RAD51B: variants seen among roughly 807,000 people sequenced by gnomAD.
RAD51B encodes the protein RAD51 paralog B.
Under a neutral mutation model 42.2 loss-of-function variants are expected in RAD51B, and 38 were observed. The observed-to-expected ratio is 0.90, with a 90% confidence interval of 0.70 to 1.18. The LOEUF is 1.18. RAD51B is among the 50% of genes most tolerant of loss of function. The pLI is 0.00. For missense variants in RAD51B, 373 were observed against 400.7 expected (o/e 0.93, Z 0.59); for synonymous variants, 154 against 145.2 (o/e 1.06, Z -0.43).
At chr14:68,145,805 A>ACCCAAAGAATGT (rs1220874229) in intron 7 of RAD51B, among the ~76,000 whole-genome samples, 2 of 152,246 alleles carry the variant, frequency 1.3e-5, no homozygotes, top group African/African-American at 4.8e-5. Context: ...AGTTGAACTC[A>ACCCAAAGAATGT]CCCAAAGAAG....
chr14:68,160,446 G>A (rs1486912808), intron 7 of RAD51B, among the ~76,000 whole-genome samples: 1 of 152,142 alleles, frequency 6.6e-6, no homozygotes, highest in Non-Finnish European at 1.5e-5. Context: ...CACCAAATAT[G>A]TCTCTGCTTC....
chr14:68,446,104 G>T (rs948662992), intron 9 of RAD51B, among the ~76,000 whole-genome samples: 1 of 152,062 alleles, frequency 6.6e-6, no homozygotes, highest in African/African-American at 2.4e-5. Flanking sequence ...TAACATTATC[G>T]GCTGCCATTT....
intron 10 of RAD51B, among the ~76,000 whole-genome samples, chr14:68,502,197 G>A (rs149808678): frequency 2.0e-5 from 3 of 152,222 alleles, no homozygotes; most frequent in African/African-American, 7.2e-5. Flanking sequence ...GAGATCACAC[G>A]ACAACAGAAT....
intron 7 of RAD51B, among the ~76,000 whole-genome samples, chr14:67,988,628 A>T (rs1035610940): frequency 2.0e-5 from 3 of 152,168 alleles, no homozygotes; most frequent in East Asian, 1.9e-4. Flanking sequence ...TTAATTTTTT[A>T]AAAATAGGAT....
chr14:68,203,315 G>T (rs945107684), intron 7 of RAD51B, among the ~76,000 whole-genome samples: 1 of 152,118 alleles, frequency 6.6e-6, no homozygotes, highest in African/African-American at 2.4e-5. Context: ...ATCTCCATCA[G>T]AGCTCTTGGG....
At chr14:68,150,183 A>G (rs892512307) in intron 7 of RAD51B, among the ~76,000 whole-genome samples, 1 of 152,152 alleles carries the variant, frequency 6.6e-6, no homozygotes. Flanking sequence ...GACTCAGGTG[A>G]TCCACCCACC....
chr14:68,243,653 C>T (rs1319007030), intron 7 of RAD51B, among the ~76,000 whole-genome samples: 3 of 152,130 alleles, frequency 2.0e-5, no homozygotes, highest in Non-Finnish European at 4.4e-5. Context: ...ATTCCAGGCC[C>T]CATGTTCCCT....
intron 7 of RAD51B, among the ~76,000 whole-genome samples, chr14:68,084,798 G>C (rs1225201698): frequency 6.6e-6 from 1 of 152,144 alleles, no homozygotes; most frequent in African/African-American, 2.4e-5. Context: ...ATATATGCCT[G>C]CCTCAATACT....
intron 7 of RAD51B, among the ~76,000 whole-genome samples, chr14:67,972,250 C>T (rs2074912344): frequency 6.6e-6 from 1 of 151,920 alleles, no homozygotes; most frequent in Non-Finnish European, 1.5e-5. Context: ...AATTCTGTCT[C>T]CTTGACACCA....
At chr14:68,310,982 A>T (rs557430883) in intron 8 of RAD51B, among the ~76,000 whole-genome samples, 1 of 152,282 alleles carries the variant, frequency 6.6e-6, no homozygotes, top group East Asian at 1.9e-4. Context: ...TGCATGGATG[A>T]AGTGCAGTCT....
intron 7 of RAD51B, among the ~76,000 whole-genome samples, chr14:68,120,458 T>C (rs1161885948): frequency 6.6e-6 from 1 of 152,204 alleles, no homozygotes; most frequent in African/African-American, 2.4e-5. Flanking sequence ...AAATTCTCAT[T>C]AGGGCAGAGA....
At chr14:68,604,137 G>A (rs1012290893) in intron 10 of RAD51B, among the ~76,000 whole-genome samples, 1 of 152,232 alleles carries the variant, frequency 6.6e-6, no homozygotes, top group African/African-American at 2.4e-5. Flanking sequence ...CCTGGCTGGG[G>A]AGTCCGTCTA....
chr14:68,578,801 C>CA (rs1318979115), intron 10 of RAD51B, among the ~76,000 whole-genome samples: 1 of 152,174 alleles, frequency 6.6e-6, no homozygotes, highest in Non-Finnish European at 1.5e-5. Flanking sequence ...AGAGAGGTGA[C>CA]AAGACAAAGG....
At position 68,395,506 on chromosome 14, in the gene RAD51B, C is replaced by T. The variant is rs188357537; in HGVS notation, c.854-15918C>T. On this transcript the variant is annotated intron_variant, in intron 8 of 10. Transcript: ENST00000471583. ...GCACTTGCCTCTTTAAAGAAGGAAT[C>T]CTCCCTTTCCTTTCCTTGATGATCA... 2.6e-3 allele frequency among the ~76,000 whole-genome samples: 394 copies of T among 152,266 alleles called. 1 individual carries two copies. The highest frequency in any genetic ancestry group is 0.01 in the Middle Eastern group (3 of 294).
chr14:67,825,636 T>G, intron 3 of RAD51B, 59 bp downstream of exon 3: 1 of 1,298,480 alleles, frequency 7.7e-7, no homozygotes, highest in East Asian at 2.5e-5. Context: ...ATTAAACATG[T>G]TTTTTTAGGG....
At chr14:68,572,184 T>C (rs1889740476) in intron 10 of RAD51B, among the ~76,000 whole-genome samples, 1 of 152,234 alleles carries the variant, frequency 6.6e-6, no homozygotes, top group African/African-American at 2.4e-5. Context: ...GGCCAACCTT[T>C]TGAGATGTAA....
chr14:67,940,045 TATATATATA>T (rs201655164), intron 7 of RAD51B, among the ~76,000 whole-genome samples: 65 of 15,432 alleles, frequency 4.2e-3, no homozygotes, highest in South Asian at 9.8e-3. Flanking sequence ...TATATATATA[TATATATATA>T]TTTTTTTTTT....
chr14:68,216,246 A>T (rs186068819), intron 7 of RAD51B, among the ~76,000 whole-genome samples: 34 of 152,120 alleles, frequency 2.2e-4, no homozygotes, highest in Admixed American at 1.4e-3. Context: ...CTCTCTAAAA[A>T]CCTATTTCTT....
chr14:68,338,278 G>T (rs1483809080), intron 8 of RAD51B, among the ~76,000 whole-genome samples: 1 of 152,194 alleles, frequency 6.6e-6, no homozygotes, highest in Non-Finnish European at 1.5e-5. Context: ...CTGTTGCCCA[G>T]GTGTAGCTCT....
Sources: allele counts gnomAD v4.1 joint callset (sites outside exome capture counted in the v4.1 genomes callset), GRCh38; gene constraint gnomAD v4.1.1; transcripts MANE v1.5; gene names NCBI Gene and HGNC (gene_info 2026-07-23, HGNC 2026-07-21).